The following FLACC1 variants were observed in gnomAD, a reference collection of about 807,000 sequenced individuals.
The protein encoded by FLACC1 is flagellum associated containing coiled-coil domains 1, also known as flagellum-associated coiled-coil domain-containing protein 1.
In FLACC1, 66 loss-of-function variants were observed where a neutral mutation model predicts 62.8. The ratio of observed to expected loss-of-function variants is 1.05; its 90% CI spans 0.86 to 1.29. The LOEUF is 1.29. FLACC1 is among the 50% of genes most tolerant of loss of function. The probability of loss-of-function intolerance (pLI) is 0.00; values close to 1 mark genes in which losing one functional copy is unlikely to be tolerated. For synonymous variants in FLACC1, 156 were observed against 161.0 expected, an observed-to-expected ratio of 0.97 and a Z score of 0.24; for missense variants, 452 against 489.1, an observed-to-expected ratio of 0.92 and a Z score of 0.71.
intron 9 of FLACC1, among the ~76,000 whole-genome samples, chr2:201,323,829 AGAAAGAAAG>A (rs1204925415): frequency 2.0e-5 from 3 of 149,990 alleles, no homozygotes; most frequent in Non-Finnish European, 4.4e-5. Context: ...AGGAAAGAAA[AGAAAGAAAG>A]GTGGGCTAAA....
At chr2:201,319,686 A>C (rs1165083251) in intron 9 of FLACC1, among the ~76,000 whole-genome samples, 1 of 152,266 alleles carries the variant, frequency 6.6e-6, no homozygotes. Context: ...CCCCATTAAA[A>C]AGTGGGCAAA....
intron 12 of FLACC1, among the ~76,000 whole-genome samples, chr2:201,297,949 A>G (rs1949900464): frequency 6.6e-6 from 1 of 152,180 alleles, no homozygotes; most frequent in African/African-American, 2.4e-5. Context: ...AGAGCTTTTC[A>G]GGAAGAGAGA....
At chr2:201,351,526 C>T in intron 1 of FLACC1, 75 bp from the exon 2 acceptor site, 1 of 718,922 alleles carries the variant, frequency 1.4e-6, no homozygotes, top group Admixed American at 2.6e-5. Flanking sequence ...TTGGGAAGAA[C>T]CCAGGGAGGA....
upstream of FLACC1, among the ~76,000 whole-genome samples, chr2:201,358,708 C>T (rs112516732): frequency 0.098 from 14,845 of 152,078 alleles, 924 homozygotes; most frequent in African/African-American, 0.17. Context: ...TGAGCCACTG[C>T]GCCCGGCCGC....
intron 5 of FLACC1, among the ~76,000 whole-genome samples, chr2:201,344,666 C>T (rs1576471959): frequency 6.6e-6 from 1 of 152,106 alleles, no homozygotes. Context: ...TGGCTGTGAA[C>T]CACAGACAAG....
Position 201,346,808 on chromosome 2 carries a change from C to A in FLACC1, c.235-133G>T. 1 of 1,094,138 alleles carries A rather than the reference C, an allele frequency of 9.1e-7. No homozygotes were observed. Among genetic ancestry groups the A allele is most frequent in the East Asian group, 2.5e-5 (1 of 40,188 alleles). The allele number at this position is 1,094,138 out of a possible 1,614,324, so 67.8% of individuals were successfully genotyped here. On this transcript the variant is annotated intron_variant, in intron 4 of 14. Transcript: ENST00000392257. The surrounding 1 kb of genome is among the most constrained non-coding windows in gnomAD (Gnocchi z 4.0). ...TCCACAGCCCAAGCCCTTCTGGGCCCTTCACCCATTATAGCTCATTCTCAC... is the reference window on the plus strand; with the variant it reads ...TCCACAGCCCAAGCCCTTCTGGGCCATTCACCCATTATAGCTCATTCTCAC...
chr2:201,313,836 C>G (rs1950261422), intron 9 of FLACC1, among the ~76,000 whole-genome samples: 1 of 152,180 alleles, frequency 6.6e-6, no homozygotes. Context: ...TCTACCAGAG[C>G]AGGTACTGGT....
intron 9 of FLACC1, 149 bp from the exon 10 acceptor site, chr2:201,309,399 G>A: frequency 1.6e-6 from 1 of 644,070 alleles, no homozygotes; most frequent in Non-Finnish European, 2.7e-6. Context: ...TCCCTTACCT[G>A]GGGCCCTCAC....
At chr2:201,348,028 G>A (rs918801936) in intron 4 of FLACC1, 16 of 432,426 alleles carry the variant, frequency 3.7e-5, no homozygotes, top group Non-Finnish European at 6.7e-5. Flanking sequence ...TGCAAGGCAG[G>A]AGAGAGTGGC....
chr2:201,292,724 G>C (rs1420864729), intron 12 of FLACC1, among the ~76,000 whole-genome samples: 2 of 152,156 alleles, frequency 1.3e-5, no homozygotes, highest in Non-Finnish European at 2.9e-5. Context: ...AAAAGACACA[G>C]ACTGGCAAAT....
chr2:201,291,983 A>G (rs537139143), intron 12 of FLACC1, among the ~76,000 whole-genome samples: 2 of 152,222 alleles, frequency 1.3e-5, no homozygotes, highest in Non-Finnish European at 2.9e-5. Context: ...AAAAAAAAGA[A>G]TAAGAAGAAA....
Position 201,331,414 on chromosome 2 carries a change from G to T in FLACC1, c.525-581C>A, listed in dbSNP as rs911003557. On this transcript the variant is annotated intron_variant, in intron 7 of 14. Transcript: ENST00000392257. ...GTCAGCACAGTCTTGTCTATAGCTTGCTCGGGAAACTATGGGCTGCATTGC... is the reference window on the plus strand; with the variant it reads ...GTCAGCACAGTCTTGTCTATAGCTTTCTCGGGAAACTATGGGCTGCATTGC... Among the ~76,000 whole-genome samples, 3 of 152,240 alleles carry T rather than the reference G, an allele frequency of 2.0e-5. No homozygotes were observed. In the East Asian group the frequency reaches 5.8e-4, roughly 29 times the overall value.
At chr2:201,294,137 T>C (rs1949803315) in intron 12 of FLACC1, among the ~76,000 whole-genome samples, 1 of 152,090 alleles carries the variant, frequency 6.6e-6, no homozygotes, top group Non-Finnish European at 1.5e-5. Flanking sequence ...TTGCAATCAA[T>C]AGAAAAAGAG....
At chr2:201,292,667 A>C (rs1339720623) in intron 12 of FLACC1, among the ~76,000 whole-genome samples, 1 of 152,230 alleles carries the variant, frequency 6.6e-6, no homozygotes, top group Non-Finnish European at 1.5e-5. Flanking sequence ...TCAAATTCAC[A>C]CATAACAATA....
intron 11 of FLACC1, among the ~76,000 whole-genome samples, chr2:201,305,269 C>T (rs1052313525): frequency 2.6e-5 from 4 of 152,088 alleles, no homozygotes; most frequent in African/African-American, 4.8e-5. Flanking sequence ...AACAAGTGGG[C>T]GAAGGATATG....
chr2:201,306,935 T>G (rs1311530437), intron 11 of FLACC1, among the ~76,000 whole-genome samples: 1 of 152,106 alleles, frequency 6.6e-6, no homozygotes, highest in Admixed American at 6.6e-5. Context: ...TATGAGAAAA[T>G]GCCCAACATA....
At chr2:201,325,000 C>T (rs748708620) in intron 9 of FLACC1, among the ~76,000 whole-genome samples, 16 of 152,070 alleles carry the variant, frequency 1.1e-4, no homozygotes, top group African/African-American at 3.1e-4. Flanking sequence ...TGGTAACAGG[C>T]GCCTGTAGTC....
chr2:201,353,634 C>T (rs1043919690), intron 1 of FLACC1, among the ~76,000 whole-genome samples: 1 of 152,112 alleles, frequency 6.6e-6, no homozygotes, highest in African/African-American at 2.4e-5. Flanking sequence ...GTCACCCAGG[C>T]TGGAGTGCAG....
intron 9 of FLACC1, among the ~76,000 whole-genome samples, chr2:201,310,421 C>T (rs1950196410): frequency 6.6e-6 from 1 of 152,124 alleles, no homozygotes; most frequent in Non-Finnish European, 1.5e-5. Flanking sequence ...ACTCTGGACT[C>T]TCAGTGCTAA....
Sources: allele counts gnomAD v4.1 joint callset (sites outside exome capture counted in the v4.1 genomes callset), GRCh38; gene constraint gnomAD v4.1.1; non-coding constraint Gnocchi (gnomAD v3.1); transcripts MANE v1.5; gene names NCBI Gene and HGNC (gene_info 2026-07-23, HGNC 2026-07-21).